Variants in MGAM2 observed in about 807,000 individuals in gnomAD.
MGAM2 encodes the protein maltase-glucoamylase 2 (putative).
MGAM2 carries 98 observed loss-of-function variants against 96.1 expected under a neutral mutation model. The observed-to-expected ratio is 1.02, with a 90% CI of 0.87 to 1.21. The LOEUF is 1.21. MGAM2 is among the 50% of genes most tolerant of loss of function. The pLI is 0.00. For missense variants in MGAM2, 2,055 were observed against 1,182.4 expected, an observed-to-expected ratio of 1.74 and a Z score of -10.82; for synonymous variants, 749 against 414.8, an observed-to-expected ratio of 1.81 and a Z score of -9.79.
At chr7:142,171,630 A>G (rs1234598044) in intron 28 of MGAM2, among the ~76,000 whole-genome samples, 190 bp downstream of exon 28, 2 of 78,262 alleles carry the variant, frequency 2.6e-5, no homozygotes, top group African/African-American at 1.1e-4. Context: ...ATATATATAT[A>G]TATATATATA....
chr7:142,133,949 G>T, intron 6 of MGAM2, 32 bp from the exon 7 acceptor site: 1 of 668,856 alleles, frequency 1.5e-6, no homozygotes, highest in Admixed American at 2.2e-5. Flanking sequence ...GTGTTTTTCG[G>T]TGATTCTTGC....
rs1261653090 is a variant in MGAM2, at chr7:142,160,670, T to C, written c.2345+412T>C. On this transcript the variant is annotated intron_variant, in intron 21 of 47. Coordinates refer to ENST00000477922, the MANE Select transcript of MGAM2 (RefSeq NM_001293626.2). The stretch of plus-strand genomic sequence containing the variant: ...ATTCTACAGAACCTGGGTTCAAGCC[T>C]TGGTTTGGGCTACATACTAGATGTG... 4.6e-5 allele frequency among the ~76,000 whole-genome samples: 7 copies of C among 151,322 alleles called. No homozygotes were observed. In the East Asian group the frequency reaches 1.3e-3, roughly 29 times the overall value.
chr7:142,170,556 T>G (rs1229352219), intron 27 of MGAM2, among the ~76,000 whole-genome samples: 1 of 152,168 alleles, frequency 6.6e-6, no homozygotes, highest in Non-Finnish European at 1.5e-5. Context: ...CCATATTATG[T>G]CTCATTAAGA....
chr7:142,201,377 A>G (rs1049052273), intron 45 of MGAM2, among the ~76,000 whole-genome samples: 30 of 152,014 alleles, frequency 2.0e-4, no homozygotes, highest in Non-Finnish European at 1.0e-4. Context: ...GCCCATATAT[A>G]ACATCCTTGA....
At chr7:142,186,226 T>C (rs566716583) in intron 35 of MGAM2, 103 bp downstream of exon 35, 1 of 628,290 alleles carries the variant, frequency 1.6e-6, no homozygotes, top group African/African-American at 1.9e-5. Flanking sequence ...GCTGAAGAGA[T>C]GAAAGGGAGA....
chr7:142,221,626 CA>C lies in MGAM2; in HGVS notation c.7117del (p.Thr2373GlnfsTer5). 2 of 471,784 alleles carry C rather than the reference CA, an allele frequency of 4.2e-6. No homozygotes were observed. Among genetic ancestry groups the C allele is most frequent in the Non-Finnish European group, 7.4e-6 (2 of 270,270 alleles). The allele number at this position is 471,784 out of a possible 1,614,324, so 29.2% of individuals were successfully genotyped here. A position where few individuals can be genotyped will look rare whatever the true frequency, so the allele number is the denominator to read the frequency against. The stretch of plus-strand genomic sequence containing the variant: ...AAAGATAATACCATGAGTCCAGATA[CA>C]ACAGTTACTTCCATAGACAAATTCA... Reference protein sequence around the residue: ...STKDNTMSPDTTVTSIDKFTT... With the variant: ...STKDNTMSPDXTVTSIDKFTT... On this transcript the variant is annotated frameshift_variant, in exon 48 of 48. Coordinates refer to ENST00000477922, the MANE Select transcript of MGAM2 (RefSeq NM_001293626.2). LOFTEE classifies it low-confidence loss of function (END_TRUNC).
At chr7:142,202,206 A>C (rs763461111) in intron 45 of MGAM2, among the ~76,000 whole-genome samples, 1 of 152,236 alleles carries the variant, frequency 6.6e-6, no homozygotes, top group African/African-American at 2.4e-5. Flanking sequence ...AGCTGACTAG[A>C]AAGAAGTACT....
chr7:142,149,551 T>TG (rs1795492099), intron 15 of MGAM2, among the ~76,000 whole-genome samples: 1 of 152,094 alleles, frequency 6.6e-6, no homozygotes, highest in East Asian at 1.9e-4. Context: ...ATGTTTTGTT[T>TG]TTTTTTTGAG....
chr7:142,142,863 A>G (rs978798735), intron 12 of MGAM2, among the ~76,000 whole-genome samples: 1 of 152,122 alleles, frequency 6.6e-6, no homozygotes, highest in Non-Finnish European at 1.5e-5. Flanking sequence ...TTTGTTTTAA[A>G]TGCACTTAGT....
intron 27 of MGAM2, among the ~76,000 whole-genome samples, chr7:142,170,446 T>C (rs1796153521): frequency 6.6e-6 from 1 of 152,192 alleles, no homozygotes. Flanking sequence ...GAAGTATTGT[T>C]TGATTTCAGA....
intron 45 of MGAM2, among the ~76,000 whole-genome samples, chr7:142,202,870 T>C (rs1180105764): frequency 1.3e-5 from 2 of 152,190 alleles, no homozygotes; most frequent in African/African-American, 4.8e-5. Flanking sequence ...AGTCCTGTTT[T>C]AATTTCTTTA....
In MGAM2 at chr7:142,196,565, G is replaced by C. The variant is rs1467279491; in HGVS notation, c.4481G>C (p.Gly1494Ala). ...ACACAGCTGTGTCTTCTCTTTGCAGGCATGATGGAGTTCAGTCTCTTTGGA... is the reference window on the plus strand; with the variant it reads ...ACACAGCTGTGTCTTCTCTTTGCAGCCATGATGGAGTTCAGTCTCTTTGGA... ...AWDQLGKSII[G>A]MMEFSLFGIP... is the part of the protein sequence containing the mutation. Residue 1494 changes from glycine to alanine, a missense_variant and splice_region_variant, in exon 39 of 48, where the codon GGC (glycine) becomes GCC (alanine). Physicochemically the swap from Gly to Ala is moderately conservative, Grantham distance 60. Transcript: ENST00000477922. The C allele has an allele frequency of 2.8e-6, 2 of 719,268 alleles. No homozygotes were observed. Among genetic ancestry groups the C allele is most frequent in the Non-Finnish European group, 5.1e-6 (2 of 391,932 alleles). 44.6% of individuals were successfully genotyped at this position (719,268 alleles called of 1,614,324 possible). A position where few individuals can be genotyped will look rare whatever the true frequency, so the allele number is the denominator to read the frequency against.
rs1338728021 is a variant in MGAM2 at position 142,196,216 on chromosome 7, C to T, written c.4409C>T (p.Ser1470Phe). 2 of 1,126,972 alleles carry T rather than the reference C, an allele frequency of 1.8e-6. No homozygotes were observed. The allele number at this position is 1,126,972 out of a possible 1,614,324, so 69.8% of individuals were successfully genotyped here. A position where few individuals can be genotyped will look rare whatever the true frequency, so the allele number is the denominator to read the frequency against. ...VIITRSTFPS[S>F]GRWGGHRLGN... is the part of the protein sequence containing the mutation. ...ATCACCCGCTCCACATTTCCCTCTT[C>T]TGGACGCTGGGGAGGACACCGGTTG... Residue 1470 changes from serine (S) to phenylalanine (F), a missense_variant, in exon 38 of 48, where the codon TCT (serine) becomes TTT (phenylalanine). Coordinates refer to ENST00000477922, the MANE Select transcript of MGAM2 (RefSeq NM_001293626.2).
At chr7:142,219,624 A>T (rs1225130363) in intron 47 of MGAM2, among the ~76,000 whole-genome samples, 2 of 152,174 alleles carry the variant, frequency 1.3e-5, no homozygotes, top group Non-Finnish European at 2.9e-5. Context: ...ATTTGTAAAC[A>T]ATAAGGTTCT....
At chr7:142,130,436 C>T (rs1397842141) in intron 3 of MGAM2, among the ~76,000 whole-genome samples, 1 of 152,200 alleles carries the variant, frequency 6.6e-6, no homozygotes, top group African/African-American at 2.4e-5. Context: ...ATGTTTTTGG[C>T]ACAAGAAATG....
At chr7:142,138,241 A>C (rs74827221) in intron 9 of MGAM2, among the ~76,000 whole-genome samples, 34 of 152,146 alleles carry the variant, frequency 2.2e-4, no homozygotes, top group African/African-American at 7.7e-4. Context: ...CCAAGTGCCC[A>C]TATTAGCCCT....
intron 3 of MGAM2, among the ~76,000 whole-genome samples, chr7:142,125,523 C>T (rs1041097511): frequency 6.6e-6 from 1 of 152,124 alleles, no homozygotes; most frequent in African/African-American, 2.4e-5. Context: ...CAATTATCTA[C>T]AGGCCACCCA....
intron 1 of MGAM2, among the ~76,000 whole-genome samples, chr7:142,114,782 G>C (rs1446451120): frequency 2.6e-5 from 4 of 152,182 alleles, no homozygotes; most frequent in Admixed American, 6.5e-5. Flanking sequence ...AATAACCTTT[G>C]TGGAAACGCT....
chr7:142,155,720 C>G (rs186143932), intron 17 of MGAM2, among the ~76,000 whole-genome samples: 3 of 152,092 alleles, frequency 2.0e-5, no homozygotes, highest in Non-Finnish European at 4.4e-5. Flanking sequence ...AAGCTGTGTC[C>G]TGGAAGACTT....
Sources: allele counts gnomAD v4.1 joint callset (sites outside exome capture counted in the v4.1 genomes callset), GRCh38; gene constraint gnomAD v4.1.1; transcripts MANE v1.5; gene names NCBI Gene and HGNC (gene_info 2026-07-23, HGNC 2026-07-21).